WASHC4: variants seen among roughly 807,000 people sequenced by gnomAD.
WASHC4 encodes WASH complex subunit 7.
Under a neutral mutation model 166.6 loss-of-function variants are expected in WASHC4, and 86 were observed. The ratio of observed to expected loss-of-function variants is 0.52; its 90% CI spans 0.43 to 0.62. The LOEUF is 0.62. WASHC4 is among the 20% of genes least tolerant of loss of function. The pLI is 0.00. For missense variants in WASHC4, 1,262 were observed against 1,382.4 expected, an observed-to-expected ratio of 0.91 and a Z score of 1.38; for synonymous variants, 446 against 451.6, an observed-to-expected ratio of 0.99 and a Z score of 0.16.
At position 105,120,590 on chromosome 12, in the gene WASHC4, AT is replaced by A; in HGVS notation, c.558del (p.Gln187ArgfsTer11). The A allele has an allele frequency of 6.3e-7, 1 of 1,598,696 alleles. No individual in the cohort carries two copies. The highest frequency in any genetic ancestry group is 8.6e-7 in the Non-Finnish European group (1 of 1,166,124). The stretch of plus-strand genomic sequence containing the variant: ...AAAATTATAGAGACAACTGGAGTTC[AT>A]TTTCAGGTAAAAGACATTTAGCTTG... ...APKIIETTGVHFQTMYEHLGE... is the reference protein window; with the variant it reads ...APKIIETTGVXFQTMYEHLGE... On this transcript the variant is annotated frameshift_variant, in exon 8 of 33. Coordinates refer to ENST00000332180, the MANE Select transcript of WASHC4 (RefSeq NM_015275.3). LOFTEE classifies it high-confidence loss of function.
rs377016151 is a variant in WASHC4, at chr12:105,144,700, A to ATTT, written c.2180-8_2180-6dup. ...CCTTTTCTACTGTTTCACAAGTTGAATTTTTTTTTTTTGGTAGCTTACGTA... is the reference window on the plus strand; with the variant it reads ...CCTTTTCTACTGTTTCACAAGTTGAATTTTTTTTTTTTTTTGGTAGCTTACGTA... On this transcript the variant is annotated splice_polypyrimidine_tract_variant and intron_variant, in intron 21 of 32. Coordinates refer to ENST00000332180, the MANE Select transcript of WASHC4 (RefSeq NM_015275.3). 1.0e-5 allele frequency: 12 copies of ATTT among 1,200,820 alleles called. No individual in the cohort carries two copies. The highest frequency in any genetic ancestry group is 4.1e-5 in the Admixed American group (2 of 48,312). The allele number at this position is 1,200,820 out of a possible 1,614,324, so 74.4% of individuals were successfully genotyped here. A position where few individuals can be genotyped will look rare whatever the true frequency, so the allele number is the denominator to read the frequency against.
chr12:105,134,398 C>T (rs1450167521), intron 14 of WASHC4, among the ~76,000 whole-genome samples: 3 of 152,056 alleles, frequency 2.0e-5, no homozygotes, highest in African/African-American at 7.2e-5. Flanking sequence ...GAGGGTCATA[C>T]TGATTAATGA....
intron 26 of WASHC4, among the ~76,000 whole-genome samples, chr12:105,154,575 A>G (rs1043479863): frequency 6.6e-6 from 1 of 152,166 alleles, no homozygotes; most frequent in African/African-American, 2.4e-5. Flanking sequence ...TCTTCCCTTC[A>G]TTCACTGCAC....
chr12:105,164,371 T>C (rs752857665), intron 31 of WASHC4, 64 bp downstream of exon 31: 1 of 1,408,076 alleles, frequency 7.1e-7, no homozygotes, highest in Non-Finnish European at 1.0e-6. Flanking sequence ...GACTTCTTAA[T>C]GTCTGAAAAG....
At chr12:105,126,511 T>G (rs909502087) in intron 12 of WASHC4, 149 bp downstream of exon 12, 2 of 631,394 alleles carry the variant, frequency 3.2e-6, no homozygotes, top group African/African-American at 3.7e-5. Flanking sequence ...AATAAGTAAC[T>G]TAGTGAATGA....
chr12:105,109,013 G>GT, intron 1 of WASHC4, among the ~76,000 whole-genome samples: 1 of 152,300 alleles, frequency 6.6e-6, no homozygotes, highest in Admixed American at 6.5e-5. Context: ...GCGAGCGCCT[G>GT]TAATTCCAGC....
chr12:105,117,115 G>T (rs1880256758), intron 6 of WASHC4, among the ~76,000 whole-genome samples: 1 of 152,092 alleles, frequency 6.6e-6, no homozygotes, highest in Non-Finnish European at 1.5e-5. Context: ...CATCATTTGT[G>T]ACCTTCCTTA....
chr12:105,143,251 C>T lies in WASHC4; in HGVS notation c.2010+8C>T, dbSNP rs770078970. 6 of 1,404,976 alleles carry T rather than the reference C, an allele frequency of 4.3e-6. No individual in the cohort carries two copies. Among genetic ancestry groups the T allele is most frequent in the African/African-American group, 2.8e-5 (2 of 70,770 alleles). The allele number at this position is 1,404,976 out of a possible 1,614,324, so 87.0% of individuals were successfully genotyped here. A position where few individuals can be genotyped will look rare whatever the true frequency, so the allele number is the denominator to read the frequency against. ...ATGGAAATTTTAAATGAGGTAACAT[C>T]ATATTTGAGATTGAAAAGCTTAAAA... On this transcript the variant is annotated splice_region_variant and intron_variant, in intron 20 of 32. Transcript: ENST00000332180.
chr12:105,132,062 A>G (rs1304039684), intron 13 of WASHC4, among the ~76,000 whole-genome samples: 3 of 152,230 alleles, frequency 2.0e-5, no homozygotes, highest in African/African-American at 7.2e-5. Flanking sequence ...TCTGACCTGT[A>G]AGAATGGGAC....
intron 14 of WASHC4, 22 bp downstream of exon 14, chr12:105,133,918 G>A (rs1882083547): frequency 1.9e-6 from 3 of 1,606,092 alleles, no homozygotes; most frequent in South Asian, 1.1e-5. Context: ...TTATTTCGGG[G>A]AATCATTTTT....
chr12:105,144,928 T>G (rs1883176041), intron 22 of WASHC4, 56 bp downstream of exon 22: 3 of 1,519,418 alleles, frequency 2.0e-6, no homozygotes, highest in Non-Finnish European at 2.7e-6. Context: ...TAACAGTACT[T>G]TTTAAGGAAG....
At chr12:105,131,084 T>A (rs1030076064) in intron 13 of WASHC4, among the ~76,000 whole-genome samples, 53 of 148,072 alleles carry the variant, frequency 3.6e-4, no homozygotes, top group African/African-American at 1.3e-3. Flanking sequence ...ATTTATTTAT[T>A]TTTTTTTTTT....
At chr12:105,120,051 G>A (rs565406173) in intron 7 of WASHC4, among the ~76,000 whole-genome samples, 1 of 152,196 alleles carries the variant, frequency 6.6e-6, no homozygotes, top group East Asian at 1.9e-4. Flanking sequence ...GGGCAATATA[G>A]CGAGACCCCC....
chr12:105,152,504 C>T (rs1883847883), intron 26 of WASHC4, 53 bp downstream of exon 26: 13 of 957,008 alleles, frequency 1.4e-5, no homozygotes, highest in Non-Finnish European at 2.2e-5. Flanking sequence ...TACAGTCTAT[C>T]TCATATATTA....
intron 15 of WASHC4, among the ~76,000 whole-genome samples, chr12:105,139,425 G>GTGTGTGTGTGTGTGTGTGTATA: frequency 9.7e-6 from 1 of 103,190 alleles, no homozygotes; most frequent in African/African-American, 3.6e-5. Flanking sequence ...ATGTGTGTGT[G>GTGTGTGTGTGTGTGTGTGTATA]TATATATATA....
intron 13 of WASHC4, among the ~76,000 whole-genome samples, chr12:105,128,774 T>C (rs201345995): frequency 5.7e-5 from 1 of 17,460 alleles, no homozygotes; most frequent in Non-Finnish European, 1.0e-4. Context: ...TTCCGTTTTG[T>C]TTTTTTTTTT....
At chr12:105,128,244 A>C (rs915804698) in intron 13 of WASHC4, among the ~76,000 whole-genome samples, 1 of 152,260 alleles carries the variant, frequency 6.6e-6, no homozygotes, top group Non-Finnish European at 1.5e-5. Flanking sequence ...AGATTTAGGC[A>C]GGTCTACTCA....
chr12:105,157,266 T>A lies in WASHC4; in HGVS notation c.2856T>A (p.Asn952Lys), dbSNP rs1884227853. Residue 952 changes from asparagine to lysine, a missense_variant, in exon 28 of 33, where the codon AAT (asparagine) becomes AAA (lysine). By Grantham distance (94) the Asn-to-Lys change is moderately conservative. Coordinates refer to ENST00000332180, the MANE Select transcript of WASHC4 (RefSeq NM_015275.3). Reference sequence around the variant, plus strand: ...TTCCTGATCTTGAAGATATTGTAAATTTTGAAGAACTAGTAAAAGAAGAAG... The same window carrying A: ...TTCCTGATCTTGAAGATATTGTAAAATTTGAAGAACTAGTAAAAGAAGAAG... Reference protein sequence around the residue: ...RFVPDLEDIVNFEELVKEEGL... With the variant: ...RFVPDLEDIVKFEELVKEEGL... The A allele has an allele frequency of 6.4e-7, 1 of 1,564,202 alleles. No homozygotes were observed. The highest frequency in any genetic ancestry group is 1.7e-5 in the Admixed American group (1 of 59,884).
intron 13 of WASHC4, 90 bp downstream of exon 13, chr12:105,127,379 A>G (rs766411616): frequency 1.0e-5 from 10 of 955,438 alleles, no homozygotes; most frequent in African/African-American, 1.6e-5. Context: ...TACCATTTGA[A>G]TTATAAGATT....
Sources: gnomAD v4.1 joint callset for allele counts (sites outside exome capture counted in the v4.1 genomes callset) on GRCh38, gnomAD v4.1.1 for gene constraint, MANE v1.5 for transcripts, NCBI Gene and HGNC (gene_info 2026-07-23, HGNC 2026-07-21) for gene names.